Variants in SIRPB1 observed in about 807,000 individuals in gnomAD.
The protein encoded by SIRPB1 is signal regulatory protein beta 1.
In SIRPB1, 28 loss-of-function variants were observed where a neutral mutation model predicts 34.1. That is an observed-to-expected ratio of 0.82 (90% CI 0.61 to 1.12). The LOEUF is 1.12. SIRPB1 is among the 50% of genes most tolerant of loss of function. The pLI is 0.00. For missense variants in SIRPB1, 499 were observed against 507.0 expected (o/e 0.98, Z 0.15); for synonymous variants, 211 against 203.8 (o/e 1.04, Z -0.30).
intron 1 of SIRPB1, among the ~76,000 whole-genome samples, chr20:1,617,974 TAC>T (rs944870938): frequency 3.9e-5 from 6 of 152,088 alleles, no homozygotes; most frequent in African/African-American, 1.4e-4. Context: ...CAAATATATA[TAC>T]ACACACATAT....
Position 1,563,748 on chromosome 20 carries a change from G to T in SIRPB1, c.*1752C>A, listed in dbSNP as rs1568675789. ...GTGGCAGGAGGGAGAGAGAGAGAGA[G>T]AGCGAAGGGGGACTTGCCACACACT... On this transcript the variant is annotated 3_prime_UTR_variant, in exon 6 of 6. Transcript: ENST00000381605. 1 of 152,090 alleles carries T rather than the reference G, an allele frequency of 6.6e-6. No individual in the cohort carries two copies. Among genetic ancestry groups the T allele is most frequent in the Non-Finnish European group, 1.5e-5 (1 of 68,026 alleles). 9.4% of individuals were successfully genotyped at this position (152,090 alleles called of 1,614,324 possible).
intron 1 of SIRPB1, among the ~76,000 whole-genome samples, chr20:1,587,330 G>T (rs1163997027): frequency 2.0e-5 from 1 of 49,254 alleles, no homozygotes; most frequent in Non-Finnish European, 3.9e-5. Flanking sequence ...AAATGATTTG[G>T]AAAGTGAAAT....
At chr20:1,616,698 G>A (rs774968043) in intron 1 of SIRPB1, among the ~76,000 whole-genome samples, 2 of 151,944 alleles carry the variant, frequency 1.3e-5, no homozygotes, top group Non-Finnish European at 2.9e-5. Flanking sequence ...ATAGACAAAC[G>A]GCATTACAAC....
rs1440556059 is a variant in SIRPB1 at position 1,605,671 on chromosome 20, A to T, written c.76+14198T>A. On this transcript the variant is annotated intron_variant, in intron 1 of 5. Transcript: ENST00000381605. The stretch of plus-strand genomic sequence containing the variant: ...AAGATGCTTCCCCGAAAAAACACAG[A>T]TCTATCTTTAACCCAGACTTTACAG... Among the ~76,000 whole-genome samples the T allele has an allele frequency of 4.1e-5, 2 of 48,928 alleles. 1 individual carries two copies. The highest frequency in any genetic ancestry group is 7.9e-5 in the Non-Finnish European group (2 of 25,446). 32.1% of individuals were successfully genotyped at this position (48,928 alleles called of 152,430 possible).
In SIRPB1 at chr20:1,564,936, T is replaced by G. The variant is rs2091107793; in HGVS notation, c.*564A>C. ...GCATTTCTACCACAAGCAGCAGGAC[T>G]GGGAAGGCTGCAGGATACTAGAAGA... On this transcript the variant is annotated 3_prime_UTR_variant, in exon 6 of 6. Transcript: ENST00000381605. 1 of 398,598 alleles carries G rather than the reference T, an allele frequency of 2.5e-6. No individual in the cohort carries two copies. The highest frequency in any genetic ancestry group is 3.6e-5 in the East Asian group (1 of 28,072). 24.7% of individuals were successfully genotyped at this position (398,598 alleles called of 1,614,324 possible).
chr20:1,572,877 G>A (rs1199824802), intron 2 of SIRPB1, among the ~76,000 whole-genome samples: 3 of 151,568 alleles, frequency 2.0e-5, no homozygotes, highest in Non-Finnish European at 4.4e-5. Context: ...AACAACTGAA[G>A]CCAGGGTCCG....
chr20:1,571,054 G>A lies in SIRPB1; in HGVS notation c.835C>T (p.Pro279Ser), dbSNP rs754862434. 3.5e-5 allele frequency: 57 copies of A among 1,614,098 alleles called. No individual in the cohort carries two copies. Among genetic ancestry groups the A allele is most frequent in the Non-Finnish European group, 4.7e-5 (55 of 1,180,016 alleles). ...NVTCQVSNFY[P>S]RGLQLTWLEN... ...AACCAGGTCAGCTGTAGTCCCCGGG[G>A]GTAGAAATTGCTCACCTGGCAGGTG... The change falls in exon 4 of 6, where the codon CCC becomes TCC. Residue 279 changes from proline (P) to serine (S), a missense_variant. Transcript: ENST00000381605.
chr20:1,571,874 G>A lies in SIRPB1; in HGVS notation c.597C>T (p.Pro199=), dbSNP rs149215208. 4.4e-4 allele frequency: 707 copies of A among 1,614,194 alleles called. 6 individuals are homozygous for A. The South Asian group carries it at 6.2e-3, about 14-fold the overall frequency. The change falls in exon 3 of 6, where the codon CCC becomes CCT. Residue 199 remains proline (P), a synonymous_variant. Coordinates refer to ENST00000381605, the MANE Select transcript of SIRPB1 (RefSeq NM_006065.5). ...ELSDFQTNVD[P]AGDSVSYSIH... is the part of the protein sequence containing the mutation. The stretch of plus-strand genomic sequence containing the variant: ...TGCTGTAGGACACACTGTCTCCTGC[G>A]GGGTCCACGTTGGTCTGGAAGTCTG...
chr20:1,573,906 T>C (rs926372345), intron 2 of SIRPB1, among the ~76,000 whole-genome samples: 1 of 145,190 alleles, frequency 6.9e-6, no homozygotes, highest in African/African-American at 2.5e-5. Flanking sequence ...GTTTGGTCAT[T>C]ACTGCTTCTG....
Position 1,587,737 on chromosome 20 carries a change from G to A in SIRPB1, c.77-9043C>T, listed in dbSNP as rs547499250. Among the ~76,000 whole-genome samples the A allele has an allele frequency of 6.1e-5, 3 of 48,940 alleles. 1 individual carries two copies. Among genetic ancestry groups the A allele is most frequent in the Non-Finnish European group, 1.2e-4 (3 of 25,366 alleles). 32.1% of individuals were successfully genotyped at this position (48,940 alleles called of 152,430 possible). ...AATACGATTGATGGTCTCATAAGAA[G>A]AGGAGATGAGGACACAGACACACAC... is the stretch of plus-strand genomic sequence containing the variant. On this transcript the variant is annotated intron_variant, in intron 1 of 5. Coordinates refer to ENST00000381605, the MANE Select transcript of SIRPB1 (RefSeq NM_006065.5).
At chr20:1,618,590 T>C (rs1031825099) in intron 1 of SIRPB1, among the ~76,000 whole-genome samples, 3 of 152,176 alleles carry the variant, frequency 2.0e-5, no homozygotes, top group Non-Finnish European at 4.4e-5. Flanking sequence ...AGTGTATGTG[T>C]GAGAAAAATA....
chr20:1,564,269 G>A lies in SIRPB1; in HGVS notation c.*1231C>T, dbSNP rs1423265913. On this transcript the variant is annotated 3_prime_UTR_variant, in exon 6 of 6. Coordinates refer to ENST00000381605, the MANE Select transcript of SIRPB1 (RefSeq NM_006065.5). ...AATCTTGCACTGCCATGAAAAGTGA[G>A]GGCTGCCTGTATTCGGCATAATACT... 6.6e-6 allele frequency: 1 copy of A among 152,098 alleles called. No homozygotes were observed. 9.4% of individuals were successfully genotyped at this position (152,098 alleles called of 1,614,324 possible).
chr20:1,611,755 G>T lies in SIRPB1; in HGVS notation c.76+8114C>A, dbSNP rs1453725548. ...AGCAGTCATTTTTTCATCCTTACGT[G>T]ATCCTCTGTGTTTCCTCAAGTGTTT... On this transcript the variant is annotated intron_variant, in intron 1 of 5. Coordinates refer to ENST00000381605, the MANE Select transcript of SIRPB1 (RefSeq NM_006065.5). The T allele has an allele frequency of 2.6e-6, 2 of 768,536 alleles. 1 individual carries two copies. Among genetic ancestry groups the T allele is most frequent in the Non-Finnish European group, 3.5e-6 (2 of 569,112 alleles). The allele number at this position is 768,536 out of a possible 1,614,324, so 47.6% of individuals were successfully genotyped here.
At position 1,586,484 on chromosome 20, in the gene SIRPB1, G is replaced by A. The variant is rs1333904678; in HGVS notation, c.77-7790C>T. On this transcript the variant is annotated intron_variant, in intron 1 of 5. Coordinates refer to ENST00000381605, the MANE Select transcript of SIRPB1 (RefSeq NM_006065.5). The stretch of plus-strand genomic sequence containing the variant: ...ACTCACTTATATGCACACATGCAGG[G>A]ATCTCTAATCCCCAGGTTGTGGTTG... Among the ~76,000 whole-genome samples the A allele has an allele frequency of 1.2e-4, 6 of 48,508 alleles. 3 individuals are homozygous for A. The highest frequency in any genetic ancestry group is 8.2e-4 in the African/African-American group (6 of 7,360). 31.8% of individuals were successfully genotyped at this position (48,508 alleles called of 152,430 possible).
rs200963975 is a variant in SIRPB1 at position 1,611,697 on chromosome 20, T to G, written c.76+8172A>C. 4.0e-5 allele frequency: 34 copies of G among 851,624 alleles called. 2 individuals carry two copies. The highest frequency in any genetic ancestry group is 2.5e-4 in the African/African-American group (5 of 19,942). 52.8% of individuals were successfully genotyped at this position (851,624 alleles called of 1,614,324 possible). On this transcript the variant is annotated intron_variant, in intron 1 of 5. Coordinates refer to ENST00000381605, the MANE Select transcript of SIRPB1 (RefSeq NM_006065.5). ...TGTCAGGCTGAATCACCTGCAGCTC[T>G]TCCTCGCCAGCTACCCCTGGAAAGG...
At chr20:1,617,053 G>A (rs1057166039) in intron 1 of SIRPB1, among the ~76,000 whole-genome samples, 7 of 152,182 alleles carry the variant, frequency 4.6e-5, no homozygotes, top group African/African-American at 1.7e-4. Flanking sequence ...GTTTTGGAGA[G>A]GATGTGGAGA....
chr20:1,571,765 C>A lies in SIRPB1; in HGVS notation c.706G>T (p.Gly236Trp). ...ICEIAHITLQ[G>W]DPLRGTANLS... ...TTGGCAGTCCCACGAAGAGGGTCCC[C>A]CTGCAAGGTGATGTGGGCTATCTCG... The change falls in exon 3 of 6, where the codon GGG becomes TGG. Residue 236 changes from glycine (G) to tryptophan (W), a missense_variant. By Grantham distance (184) the Gly-to-Trp change is radical. Transcript: ENST00000381605. 6.2e-7 allele frequency: 1 copy of A among 1,614,234 alleles called. No homozygotes were observed. The highest frequency in any genetic ancestry group is 8.5e-7 in the Non-Finnish European group (1 of 1,180,040).
chr20:1,567,440 G>A (rs2091155739), intron 4 of SIRPB1, among the ~76,000 whole-genome samples: 1 of 152,148 alleles, frequency 6.6e-6, no homozygotes, highest in Non-Finnish European at 1.5e-5. Context: ...CTACACTCCT[G>A]CCTCCTCATT....
At position 1,612,771 on chromosome 20, in the gene SIRPB1, G is replaced by T. The variant is rs534725278; in HGVS notation, c.76+7098C>A. Among the ~76,000 whole-genome samples, 146 of 72,810 alleles carry T rather than the reference G, an allele frequency of 2.0e-3. 56 individuals are homozygous for T. Among genetic ancestry groups the T allele is most frequent in the Non-Finnish European group, 2.7e-3 (104 of 38,794 alleles). The allele number at this position is 72,810 out of a possible 152,430, so 47.8% of individuals were successfully genotyped here. A position where few individuals can be genotyped will look rare whatever the true frequency, so the allele number is the denominator to read the frequency against. On this transcript the variant is annotated intron_variant, in intron 1 of 5. Coordinates refer to ENST00000381605, the MANE Select transcript of SIRPB1 (RefSeq NM_006065.5). ...CAAAACTTAGTGTCTTAAAACAAATGTAACATTTTATAGTTCTGGGGGTTA... is the reference window on the plus strand; with the variant it reads ...CAAAACTTAGTGTCTTAAAACAAATTTAACATTTTATAGTTCTGGGGGTTA...
Sources: gnomAD v4.1 joint callset for allele counts (sites outside exome capture counted in the v4.1 genomes callset) on GRCh38, gnomAD v4.1.1 for gene constraint, MANE v1.5 for transcripts, NCBI Gene and HGNC (gene_info 2026-07-23, HGNC 2026-07-21) for gene names.